WWTR1: variants seen among roughly 807,000 people sequenced by gnomAD.
The protein encoded by WWTR1 is WW domain containing transcription regulator 1.
In WWTR1, 13 loss-of-function variants were observed where a neutral mutation model predicts 40.1. The ratio of observed to expected loss-of-function variants is 0.32; its 90% CI spans 0.21 to 0.52. WWTR1 has a LOEUF of 0.52. Among genes scored for constraint, WWTR1 ranks in the 20% least tolerant of loss-of-function variants. The pLI is 0.97. For synonymous variants in WWTR1, 230 were observed against 210.1 expected (o/e 1.09, Z -0.82); for missense variants, 436 against 523.1 (o/e 0.83, Z 1.63).
chr3:149,587,487 G>A (rs1473903284), intron 2 of WWTR1, among the ~76,000 whole-genome samples: 2 of 152,174 alleles, frequency 1.3e-5, no homozygotes, highest in Non-Finnish European at 2.9e-5. Context: ...TGGAGCTGCT[G>A]ATGGTCACAC....
intron 4 of WWTR1, among the ~76,000 whole-genome samples, chr3:149,536,769 A>AG (rs902537430): frequency 1.5e-4 from 23 of 150,508 alleles, no homozygotes; most frequent in East Asian, 3.9e-4. Flanking sequence ...AAAAAAAAAA[A>AG]AAAGAAAGAA....
In WWTR1 at chr3:149,666,224, G is replaced by A. The variant is rs577893778; in HGVS notation, c.-4+3564C>T. On this transcript the variant is annotated intron_variant, in intron 2 of 7. Coordinates refer to the WWTR1 transcript ENST00000465804. ...GCTCTACTATTATCTCTCTGTCTCA[G>A]CATTGTCCAGACACAAGTTAGGACA... is the stretch of plus-strand genomic sequence containing the variant. Among the ~76,000 whole-genome samples the A allele has an allele frequency of 5.3e-5, 8 of 152,158 alleles. No homozygotes were observed. In the South Asian group the frequency reaches 1.7e-3, roughly 32 times the overall value.
At chr3:149,699,386 C>G (rs534517894) in intron 1 of WWTR1, among the ~76,000 whole-genome samples, 2 of 151,910 alleles carry the variant, frequency 1.3e-5, no homozygotes, top group East Asian at 3.9e-4. Context: ...CTCTGCCTCC[C>G]CAGTTCAAGT....
chr3:149,698,918 T>C (rs1715080545), intron 1 of WWTR1, among the ~76,000 whole-genome samples: 1 of 152,196 alleles, frequency 6.6e-6, no homozygotes, highest in Admixed American at 6.5e-5. Flanking sequence ...GAAACTATTA[T>C]TTCCTCCTAA....
At position 149,518,766 on chromosome 3, in the gene WWTR1, A is replaced by G. The variant is rs369951651; in HGVS notation, c.*2039T>C. 20 of 152,018 alleles carry G rather than the reference A, an allele frequency of 1.3e-4. No individual in the cohort carries two copies. Among genetic ancestry groups the G allele is most frequent in the Middle Eastern group, 6.8e-3 (2 of 294 alleles). The allele number at this position is 152,018 out of a possible 1,614,324, so 9.4% of individuals were successfully genotyped here. A position where few individuals can be genotyped will look rare whatever the true frequency, so the allele number is the denominator to read the frequency against. On this transcript the variant is annotated 3_prime_UTR_variant, in exon 7 of 7. Coordinates refer to ENST00000360632, the MANE Select transcript of WWTR1 (RefSeq NM_015472.6). Reference sequence around the variant, plus strand: ...GTGCACCAAAGCCTTCTTTTCTTCTACAACAGAGTCTTCCGGTATAAAGGT... The same window carrying G: ...GTGCACCAAAGCCTTCTTTTCTTCTGCAACAGAGTCTTCCGGTATAAAGGT...
At chr3:149,556,265 G>A (rs1394460793) in intron 3 of WWTR1, among the ~76,000 whole-genome samples, 1 of 152,178 alleles carries the variant, frequency 6.6e-6, no homozygotes, top group African/African-American at 2.4e-5. Flanking sequence ...GACTCTGGGG[G>A]CACACAGTGA....
At chr3:149,669,155 C>T (rs1262945842) in intron 2 of WWTR1, among the ~76,000 whole-genome samples, 1 of 152,144 alleles carries the variant, frequency 6.6e-6, no homozygotes, top group Non-Finnish European at 1.5e-5. Flanking sequence ...AAGAACCCCA[C>T]ATATACAAGG....
At position 149,645,013 on chromosome 3, in the gene WWTR1, CAACT is replaced by C. The variant is rs542887916; in HGVS notation, c.431+11859_431+11862del. 2.4e-3 allele frequency among the ~76,000 whole-genome samples: 361 copies of C among 152,024 alleles called. 1 individual carries two copies. The highest frequency in any genetic ancestry group is 8.1e-3 in the African/African-American group (335 of 41,470). On this transcript the variant is annotated intron_variant, in intron 2 of 6. Transcript: ENST00000360632. ...GATTACAGGTACACGCCACCATGCC[CAACT>C]AATTTTTGTATTTTTAGTAGATACG...
chr3:149,595,039 G>A (rs1253621761), intron 2 of WWTR1, among the ~76,000 whole-genome samples: 1 of 125,908 alleles, frequency 7.9e-6, no homozygotes, highest in African/African-American at 3.1e-5. Flanking sequence ...TTGGCTCACT[G>A]CAACCTCTGC....
At chr3:149,717,847 C>G (rs1168814682) in intron 4 of WWTR1, among the ~76,000 whole-genome samples, 1 of 152,030 alleles carries the variant, frequency 6.6e-6, no homozygotes, top group East Asian at 1.9e-4. Context: ...TGTTAGTATT[C>G]ACATGTTTTC....
At chr3:149,547,956 AC>A (rs1440200628) in intron 3 of WWTR1, among the ~76,000 whole-genome samples, 1 of 149,810 alleles carries the variant, frequency 6.7e-6, no homozygotes, top group Non-Finnish European at 1.5e-5. Flanking sequence ...ACACACACAC[AC>A]ACACACACAA....
chr3:149,636,821 G>A (rs939298950), intron 2 of WWTR1, among the ~76,000 whole-genome samples: 2 of 151,994 alleles, frequency 1.3e-5, no homozygotes, highest in African/African-American at 2.4e-5. Flanking sequence ...CAAAAAATTA[G>A]CTGGGTGTGG....
chr3:149,699,246 T>C (rs1480049311), intron 1 of WWTR1, among the ~76,000 whole-genome samples: 1 of 152,202 alleles, frequency 6.6e-6, no homozygotes, highest in Non-Finnish European at 1.5e-5. Flanking sequence ...TCTTGAATGC[T>C]TTGTTGCTTA....
intron 2 of WWTR1, among the ~76,000 whole-genome samples, chr3:149,595,089 G>C (rs573678358): frequency 6.8e-6 from 1 of 147,014 alleles, no homozygotes; most frequent in African/African-American, 2.5e-5. Flanking sequence ...AGCCTCCCTA[G>C]TAGCTGGGAC....
intron 2 of WWTR1, among the ~76,000 whole-genome samples, chr3:149,597,878 A>G (rs1739070374): frequency 6.6e-6 from 1 of 152,192 alleles, no homozygotes; most frequent in African/African-American, 2.4e-5. Context: ...AAGAGAGGTC[A>G]CCCTTTGAAA....
At chr3:149,553,958 G>A (rs976675835) in intron 3 of WWTR1, among the ~76,000 whole-genome samples, 4 of 152,202 alleles carry the variant, frequency 2.6e-5, no homozygotes, top group African/African-American at 7.2e-5. Context: ...CTGCAGACGC[G>A]TCTCTCGCCC....
At chr3:149,658,576 G>T (rs368473764), upstream of WWTR1, 2 of 152,348 alleles carry the variant, frequency 1.3e-5, no homozygotes, top group South Asian at 2.1e-4. Flanking sequence ...TTCCACGAGA[G>T]GCTGCTTAGC....
At chr3:149,706,147 G>A (rs543776143), upstream of WWTR1, among the ~76,000 whole-genome samples, 1 of 152,126 alleles carries the variant, frequency 6.6e-6, no homozygotes, top group Admixed American at 6.5e-5. Flanking sequence ...AGTGAGCTGA[G>A]ATCACACAAT....
At chr3:149,659,374 C>G (rs1440935006), upstream of WWTR1, 1 of 137,168 alleles carries the variant, frequency 7.3e-6, no homozygotes, top group Non-Finnish European at 1.5e-5. Context: ...CTCTTGTCCC[C>G]CAGGCTTGAG....
Sources: allele counts gnomAD v4.1 joint callset (sites outside exome capture counted in the v4.1 genomes callset), GRCh38; gene constraint gnomAD v4.1.1; transcripts MANE v1.5; gene names NCBI Gene and HGNC (gene_info 2026-07-23, HGNC 2026-07-21).